The following CSMD1 variants were observed in gnomAD, a reference collection of about 807,000 sequenced individuals.
The protein encoded by CSMD1 is CUB and Sushi multiple domains 1.
CSMD1 carries 213 observed loss-of-function variants against 417.5 expected under a neutral mutation model. The observed-to-expected ratio is 0.51, with a 90% CI of 0.46 to 0.57. The LOEUF is 0.57. Among genes scored for constraint, CSMD1 ranks in the 20% least tolerant of loss-of-function variants. The pLI, the probability that CSMD1 is intolerant of heterozygous loss-of-function variation, is 0.00. For synonymous variants in CSMD1, 2,862 were observed against 1,736.8 expected (o/e 1.65, Z -16.11); for missense variants, 6,923 against 4,529.7 (o/e 1.53, Z -15.17).
At chr8:3,810,650 A>C (rs1256805609) in intron 5 of CSMD1, among the ~76,000 whole-genome samples, 1 of 152,170 alleles carries the variant, frequency 6.6e-6, no homozygotes, top group African/African-American at 2.4e-5. Context: ...TTAGTTTATA[A>C]AACTTTGAGA....
intron 2 of CSMD1, among the ~76,000 whole-genome samples, chr8:4,480,060 A>C (rs1801010182): frequency 6.6e-6 from 1 of 151,984 alleles, no homozygotes; most frequent in African/African-American, 2.4e-5. Flanking sequence ...TGTGGTCGTG[A>C]GTTCTGTTAG....
chr8:3,407,150 G>C (rs772269016), intron 14 of CSMD1, among the ~76,000 whole-genome samples: 3 of 144,668 alleles, frequency 2.1e-5, no homozygotes, highest in Non-Finnish European at 3.0e-5. Context: ...TGCATGCATG[G>C]ATGGATGGAC....
intron 5 of CSMD1, among the ~76,000 whole-genome samples, chr8:3,802,580 G>A (rs1321077285): frequency 1.3e-5 from 2 of 152,092 alleles, no homozygotes; most frequent in Admixed American, 1.3e-4. Flanking sequence ...AGAAATACAG[G>A]CTTATTGCAG....
chr8:4,271,777 T>C (rs1375377138), intron 3 of CSMD1, among the ~76,000 whole-genome samples: 1 of 152,172 alleles, frequency 6.6e-6, no homozygotes, highest in Non-Finnish European at 1.5e-5. Flanking sequence ...GGATGCAGCT[T>C]CCACATTATG....
At chr8:4,905,988 C>A (rs1261228587) in intron 1 of CSMD1, among the ~76,000 whole-genome samples, 1 of 152,146 alleles carries the variant, frequency 6.6e-6, no homozygotes, top group South Asian at 2.1e-4. Flanking sequence ...TTCGGCAACA[C>A]CACTTTTGGC....
chr8:4,936,866 T>C (rs576373001), intron 1 of CSMD1, among the ~76,000 whole-genome samples: 1 of 152,178 alleles, frequency 6.6e-6, no homozygotes, highest in African/African-American at 2.4e-5. Context: ...TTATTTTGAC[T>C]AGGTTTTTTG....
chr8:4,737,077 A>G (rs1810291665), intron 1 of CSMD1, among the ~76,000 whole-genome samples: 1 of 152,216 alleles, frequency 6.6e-6, no homozygotes. Flanking sequence ...AAGACATGTA[A>G]TCAACCTACA....
At chr8:3,647,058 G>C (rs899084573) in intron 7 of CSMD1, among the ~76,000 whole-genome samples, 21 of 152,154 alleles carry the variant, frequency 1.4e-4, no homozygotes, top group Admixed American at 3.9e-4. Context: ...TGTCAGCTCA[G>C]GTTTTCTTTT....
chr8:4,471,606 C>A (rs1800537766), intron 2 of CSMD1, among the ~76,000 whole-genome samples: 1 of 151,990 alleles, frequency 6.6e-6, no homozygotes, highest in African/African-American at 2.4e-5. Context: ...GAAAACAACC[C>A]AGAACATTAC....
At chr8:4,541,899 G>A (rs994776724) in intron 2 of CSMD1, among the ~76,000 whole-genome samples, 1 of 152,136 alleles carries the variant, frequency 6.6e-6, no homozygotes, top group Non-Finnish European at 1.5e-5. Context: ...CGCCGCACCT[G>A]TAGCTGCACT....
intron 3 of CSMD1, among the ~76,000 whole-genome samples, chr8:4,083,280 T>C (rs985144413): frequency 1.5e-4 from 23 of 152,154 alleles, no homozygotes; most frequent in Non-Finnish European, 1.8e-4. Context: ...GCACCTGTCG[T>C]TTCCTGACTT....
In CSMD1 at chr8:3,668,990, C is replaced by T. The variant is rs142822541; in HGVS notation, c.1009+39424G>A. On this transcript the variant is annotated intron_variant, in intron 7 of 69. Transcript: ENST00000635120. ...CATTGAGCAACCAGGTTAGCCTGTG[C>T]TTTCACTGGAAATCTTTCATTAAAC... 4.5e-4 allele frequency among the ~76,000 whole-genome samples: 69 copies of T among 152,270 alleles called. 1 individual carries two copies. In the East Asian group the frequency reaches 0.012, roughly 27 times the overall value.
intron 25 of CSMD1, among the ~76,000 whole-genome samples, chr8:3,306,754 C>G (rs547393822): frequency 3.0e-4 from 46 of 152,132 alleles, no homozygotes; most frequent in Non-Finnish European, 4.9e-4. Flanking sequence ...AAAAATAAAA[C>G]TGATTTTAAA....
chr8:3,651,731 C>T (rs183037628), intron 7 of CSMD1, among the ~76,000 whole-genome samples: 2 of 151,402 alleles, frequency 1.3e-5, no homozygotes, highest in Admixed American at 6.6e-5. Flanking sequence ...CCAGCAACAG[C>T]GTGCTTACTA....
intron 8 of CSMD1, among the ~76,000 whole-genome samples, chr8:3,608,155 C>A (rs932673260): frequency 1.5e-4 from 19 of 124,150 alleles, no homozygotes; most frequent in Non-Finnish European, 2.4e-4. Flanking sequence ...GCCTGGGCAA[C>A]AGAGCAAGAA....
At chr8:4,758,437 T>A (rs1321022746) in intron 1 of CSMD1, among the ~76,000 whole-genome samples, 1 of 151,920 alleles carries the variant, frequency 6.6e-6, no homozygotes, top group African/African-American at 2.4e-5. Flanking sequence ...GGCATAAAGG[T>A]GACATAAAGG....
intron 10 of CSMD1, among the ~76,000 whole-genome samples, chr8:3,566,208 G>A (rs113765569): frequency 0.013 from 2,037 of 152,180 alleles, 46 homozygotes; most frequent in African/African-American, 0.045. Flanking sequence ...GGAAAAGGAG[G>A]AGGAGAGGGA....
chr8:4,705,544 C>G (rs924379818), intron 1 of CSMD1, among the ~76,000 whole-genome samples: 37 of 152,300 alleles, frequency 2.4e-4, no homozygotes, highest in South Asian at 8.3e-4. Flanking sequence ...CCCCTAGATT[C>G]TACTACGGCA....
At chr8:4,893,649 G>A (rs1444781395) in intron 1 of CSMD1, among the ~76,000 whole-genome samples, 2 of 152,048 alleles carry the variant, frequency 1.3e-5, no homozygotes. Flanking sequence ...TTTATGAGAA[G>A]CCGAACTTCT....
Sources: allele counts gnomAD v4.1 joint callset (sites outside exome capture counted in the v4.1 genomes callset), GRCh38; gene constraint gnomAD v4.1.1; transcripts MANE v1.5; gene names NCBI Gene and HGNC (gene_info 2026-07-23, HGNC 2026-07-21).